ZIK1: variants seen among roughly 807,000 people sequenced by gnomAD.
ZIK1 encodes zinc finger protein interacting with K protein 1, also known as zinc finger protein interacting with ribonucleoprotein K.
Under a neutral mutation model 10.7 loss-of-function variants are expected in ZIK1, and 12 were observed. The observed-to-expected ratio is 1.12, with a 90% CI of 0.72 to 1.81. The LOEUF is 1.81. ZIK1 is among the 40% of genes most tolerant of loss of function. The probability of loss-of-function intolerance (pLI) is 0.00; values close to 1 mark genes in which losing one functional copy is unlikely to be tolerated. For synonymous variants in ZIK1, 190 were observed against 205.0 expected (o/e 0.93, Z 0.63); for missense variants, 497 against 585.7 (o/e 0.85, Z 1.56).
Position 57,590,742 on chromosome 19 carries a change from G to A in ZIK1, c.931G>A (p.Val311Ile). The A allele has an allele frequency of 6.2e-7, 1 of 1,613,986 alleles. No homozygotes were observed. Among genetic ancestry groups the A allele is most frequent in the Non-Finnish European group, 8.5e-7 (1 of 1,179,990 alleles). The change falls in exon 4 of 4, where the codon GTT (valine) becomes ATT (isoleucine). Residue 311 changes from valine (V) to isoleucine (I), a missense_variant. Physicochemically the swap from Val to Ile is conservative, Grantham distance 29 (BLOSUM62 3). Transcript: ENST00000597850. ...ATTATTTAGACAAAACTCCAGCCTT[G>A]TTGACCACCAGAAAATACACACTGG... ...GKLFRQNSSL[V>I]DHQKIHTGAR... is the part of the protein sequence containing the mutation.
intron 3 of ZIK1, chr19:57,589,147 T>C (rs577259988): frequency 2.9e-4 from 123 of 427,262 alleles, no homozygotes; most frequent in African/African-American, 2.6e-3. Flanking sequence ...GCATCAGTGC[T>C]GATCACTCAC....
chr19:57,589,051 C>T (rs1324802305), intron 3 of ZIK1, among the ~76,000 whole-genome samples: 1 of 150,202 alleles, frequency 6.7e-6, no homozygotes, highest in Non-Finnish European at 1.5e-5. Flanking sequence ...GCTCTTCTTA[C>T]TCACTCCTTC....
At position 57,591,316 on chromosome 19, in the gene ZIK1, CAA is replaced by C; in HGVS notation, c.*42_*43del. 5.8e-6 allele frequency: 9 copies of C among 1,543,136 alleles called. No homozygotes were observed. Among genetic ancestry groups the C allele is most frequent in the Non-Finnish European group, 7.9e-6 (9 of 1,141,620 alleles). The stretch of plus-strand genomic sequence containing the variant: ...AGCAAATGTGGAAGCGCCTTCAACT[CAA>C]GATCTATCATCATTTAGCTCCTGAA... On this transcript the variant is annotated 3_prime_UTR_variant, in exon 4 of 4. Transcript: ENST00000597850.
rs1209109583 is a variant in ZIK1 at position 57,590,712 on chromosome 19, G to A, written c.901G>A (p.Gly301Arg). 6.2e-7 allele frequency: 1 copy of A among 1,614,166 alleles called. No individual in the cohort carries two copies. The highest frequency in any genetic ancestry group is 1.1e-5 in the South Asian group (1 of 91,082). Residue 301 changes from glycine to arginine, a missense_variant, in exon 4 of 4, where the codon GGA (glycine) becomes AGA (arginine). Physicochemically the swap from Gly to Arg is moderately radical, Grantham distance 125 (BLOSUM62 -2). Transcript: ENST00000597850. ...AAGGCCTTATGAGTGCAGCGAATGTGGAAAATTATTTAGACAAAACTCCAG... is the reference window on the plus strand; with the variant it reads ...AAGGCCTTATGAGTGCAGCGAATGTAGAAAATTATTTAGACAAAACTCCAG... The part of the protein sequence containing the change: ...GERPYECSEC[G>R]KLFRQNSSLV...
chr19:57,592,820 A>G lies in ZIK1; in HGVS notation c.*1545A>G, dbSNP rs1432478295. The G allele has an allele frequency of 6.6e-6, 1 of 152,152 alleles. No homozygotes were observed. The highest frequency in any genetic ancestry group is 1.5e-5 in the Non-Finnish European group (1 of 68,016). 9.4% of individuals were successfully genotyped at this position (152,152 alleles called of 1,614,324 possible). On this transcript the variant is annotated 3_prime_UTR_variant, in exon 4 of 4. Transcript: ENST00000597850. ...GACATGCCATAGTTTACATCCATTT[A>G]TGGTGTATAATTTGAAGAGTTTGTC...
rs187777743 is a variant in ZIK1 at position 57,592,940 on chromosome 19, A to G, written c.*1665A>G. 13 of 152,178 alleles carry G rather than the reference A, an allele frequency of 8.5e-5. No individual in the cohort carries two copies. Among genetic ancestry groups the G allele is most frequent in the East Asian group, 1.9e-4 (1 of 5,174 alleles). The allele number at this position is 152,178 out of a possible 1,614,324, so 9.4% of individuals were successfully genotyped here. ...CTCTGCGTGTACTTTCCAGGCCTTC[A>G]GGAGTCCTGTCATTTACTTTCCCTA... is the stretch of plus-strand genomic sequence containing the variant. On this transcript the variant is annotated 3_prime_UTR_variant, in exon 4 of 4. Coordinates refer to ENST00000597850, the MANE Select transcript of ZIK1 (RefSeq NM_001010879.4).
At chr19:57,585,066 A>T (rs932280040) in intron 2 of ZIK1, 76 bp downstream of exon 2, 32 of 1,467,298 alleles carry the variant, frequency 2.2e-5, no homozygotes, top group Non-Finnish European at 2.7e-5. Flanking sequence ...TTTTGCCACC[A>T]TCCAGTTCTT....
In ZIK1 at chr19:57,589,681, G is replaced by A. The variant is rs929700154; in HGVS notation, c.200-330G>A. The stretch of plus-strand genomic sequence containing the variant: ...GCACAGCATGCAGGTGTCACCAGCA[G>A]ACAAGGTCCTCCTGAAGACTATGTG... On this transcript the variant is annotated intron_variant, in intron 3 of 3. Transcript: ENST00000597850. The A allele has an allele frequency of 5.1e-6, 5 of 985,302 alleles. No individual in the cohort carries two copies. In the African/African-American group the frequency reaches 5.2e-5, roughly 10 times the overall value. 61.0% of individuals were successfully genotyped at this position (985,302 alleles called of 1,614,324 possible). A position where few individuals can be genotyped will look rare whatever the true frequency, so the allele number is the denominator to read the frequency against.
At chr19:57,585,011 G>C (rs1234855740) in intron 2 of ZIK1, 21 bp downstream of exon 2, 4 of 1,611,044 alleles carry the variant, frequency 2.5e-6, no homozygotes, top group Non-Finnish European at 3.4e-6. Context: ...GGTGTCCCAG[G>C]CCCTCACTGG....
Position 57,592,642 on chromosome 19 carries a change from T to C in ZIK1, c.*1367T>C, listed in dbSNP as rs1979797128. The C allele has an allele frequency of 1.3e-5, 2 of 152,174 alleles. No individual in the cohort carries two copies. The highest frequency in any genetic ancestry group is 6.5e-5 in the Admixed American group (1 of 15,278). The allele number at this position is 152,174 out of a possible 1,614,324, so 9.4% of individuals were successfully genotyped here. A position where few individuals can be genotyped will look rare whatever the true frequency, so the allele number is the denominator to read the frequency against. Reference sequence around the variant, plus strand: ...CCACAGCCTTCATTGCTTGCCAACATTTCCTGCATGGAGGGACTCATGGTT... The same window carrying C: ...CCACAGCCTTCATTGCTTGCCAACACTTCCTGCATGGAGGGACTCATGGTT... On this transcript the variant is annotated 3_prime_UTR_variant, in exon 4 of 4. Transcript: ENST00000597850.
At position 57,589,312 on chromosome 19, in the gene ZIK1, C is replaced by T. The variant is rs1420821282; in HGVS notation, c.199+647C>T. The T allele has an allele frequency of 4.1e-6, 4 of 985,200 alleles. No homozygotes were observed. The African/African-American group carries it at 5.2e-5, about 13-fold the overall frequency. 61.0% of individuals were successfully genotyped at this position (985,200 alleles called of 1,614,324 possible). ...TGGCAACTGGTTGGGGGCATGATAT[C>T]CGGGCTGTTTTCCGATCACATAAGG... On this transcript the variant is annotated intron_variant, in intron 3 of 3. Transcript: ENST00000597850.
intron 3 of ZIK1, 78 bp from the exon 4 acceptor site, chr19:57,589,933 C>G (rs562452606): frequency 1.4e-6 from 2 of 1,478,906 alleles, no homozygotes; most frequent in Non-Finnish European, 1.8e-6. Flanking sequence ...GTGAATCATT[C>G]GTTTGGTATG....
At chr19:57,589,965 C>G (rs756782629) in intron 3 of ZIK1, 46 bp from the exon 4 acceptor site, 2 of 1,577,540 alleles carry the variant, frequency 1.3e-6, no homozygotes, top group Non-Finnish European at 1.7e-6. Flanking sequence ...GCTTCTTGCT[C>G]TCAGCATAGT....
rs1236317860 is a variant in ZIK1, at chr19:57,593,824, T to A, written c.*2549T>A. ...CTCTTTGGAAGAATGTTTATTAATGTCTTTTGCTTATTTTTAAATGGATGT... is the reference window on the plus strand; with the variant it reads ...CTCTTTGGAAGAATGTTTATTAATGACTTTTGCTTATTTTTAAATGGATGT... On this transcript the variant is annotated 3_prime_UTR_variant, in exon 4 of 4. Coordinates refer to ENST00000597850, the MANE Select transcript of ZIK1 (RefSeq NM_001010879.4). 2.7e-5 allele frequency: 4 copies of A among 150,916 alleles called. No homozygotes were observed. Among genetic ancestry groups the A allele is most frequent in the Non-Finnish European group, 4.4e-5 (3 of 67,874 alleles). The allele number at this position is 150,916 out of a possible 1,614,324, so 9.3% of individuals were successfully genotyped here.
At position 57,590,187 on chromosome 19, in the gene ZIK1, G is replaced by C; in HGVS notation, c.376G>C (p.Val126Leu). 1 of 1,614,204 alleles carries C rather than the reference G, an allele frequency of 6.2e-7. No individual in the cohort carries two copies. The highest frequency in any genetic ancestry group is 2.2e-5 in the East Asian group (1 of 44,878). Reference protein sequence around the residue: ...ADLPGQKPYLVGECTNHHQHQ... With the variant: ...ADLPGQKPYLLGECTNHHQHQ... ...TCTCCCTGGGCAGAAACCATACTTG[G>C]TTGGAGAATGTACAAACCATCACCA... The change falls in exon 4 of 4, where the codon GTT becomes CTT. Residue 126 changes from valine (V) to leucine (L), a missense_variant. Transcript: ENST00000597850.
chr19:57,587,573 C>G (rs1035363413), intron 2 of ZIK1, among the ~76,000 whole-genome samples: 5 of 152,182 alleles, frequency 3.3e-5, no homozygotes, highest in Non-Finnish European at 7.3e-5. Flanking sequence ...TGGAAAGAGT[C>G]CCTACCAGAA....
intron 3 of ZIK1, chr19:57,589,278 C>G (rs1979443689): frequency 1.0e-6 from 1 of 985,214 alleles, no homozygotes; most frequent in Admixed American, 6.1e-5. Flanking sequence ...AAGGCCTGGG[C>G]TTGTTGAGTG....
At chr19:57,586,642 G>A (rs969184039) in intron 2 of ZIK1, among the ~76,000 whole-genome samples, 2 of 152,204 alleles carry the variant, frequency 1.3e-5, no homozygotes, top group Non-Finnish European at 1.5e-5. Context: ...TAGAGGTGGT[G>A]AGCATCACAA....
In ZIK1 at chr19:57,584,961, T is replaced by A. The variant is rs1387882868; in HGVS notation, c.43T>A (p.Ser15Thr). ...ALRAPTQVTV[S>T]PETHMDLTKG... ...CTTTGGCTTTCCACAGGTTACTGTG[T>A]CTCCAGAAACACATATGGACCTCAC... Residue 15 changes from serine (S) to threonine (T), a missense_variant, in exon 2 of 4, where the codon TCT (serine) becomes ACT (threonine). Ser to Thr is a moderately conservative substitution (Grantham distance 58). Coordinates refer to ENST00000597850, the MANE Select transcript of ZIK1 (RefSeq NM_001010879.4). 6.2e-7 allele frequency: 1 copy of A among 1,613,926 alleles called. No homozygotes were observed. Among genetic ancestry groups the A allele is most frequent in the Admixed American group, 1.7e-5 (1 of 59,992 alleles).
Sources: gnomAD v4.1 joint callset for allele counts (sites outside exome capture counted in the v4.1 genomes callset) on GRCh38, gnomAD v4.1.1 for gene constraint, MANE v1.5 for transcripts, NCBI Gene and HGNC (gene_info 2026-07-23, HGNC 2026-07-21) for gene names.